Variants in ERCC2 observed in about 807,000 individuals in gnomAD.
ERCC2 encodes ERCC excision repair 2, TFIIH core complex helicase subunit, also known as general transcription and DNA repair factor IIH helicase subunit XPD.
A neutral mutation model predicts 99.4 loss-of-function variants in ERCC2; 90 were observed. That is an observed-to-expected ratio of 0.91 (90% CI 0.76 to 1.08). The LOEUF is 1.08. ERCC2 is among the 50% of genes least tolerant of loss of function. ERCC2 has a pLI of 0.00. For missense variants in ERCC2, 993 were observed against 1,038.1 expected (o/e 0.96, Z 0.60); for synonymous variants, 497 against 432.4 (o/e 1.15, Z -1.85).
chr19:45,353,231 C>G lies in ERCC2; in HGVS notation c.1758+11G>C. The G allele has an allele frequency of 2.5e-6, 4 of 1,613,514 alleles. No individual in the cohort carries two copies. In the South Asian group the frequency reaches 4.4e-5, roughly 18 times the overall value. On this transcript the variant is annotated intron_variant, in intron 18 of 22. Coordinates refer to ENST00000391945, the MANE Select transcript of ERCC2 (RefSeq NM_000400.4). The stretch of plus-strand genomic sequence containing the variant: ...CCCCGACCCCTCTCCACGCTGGCCT[C>G]GCACACCCACCTCCTGGTACTTCTC...
At chr19:45,368,000 C>A (rs947673119) in intron 5 of ERCC2, among the ~76,000 whole-genome samples, 2 of 151,238 alleles carry the variant, frequency 1.3e-5, no homozygotes, top group Non-Finnish European at 2.9e-5. Flanking sequence ...TGGGTACAAG[C>A]GATTGGCATT....
At position 45,352,806 on chromosome 19, in the gene ERCC2, G is replaced by A. The variant is rs148319713; in HGVS notation, c.1842C>T (p.Tyr614=). 8.9e-5 allele frequency: 144 copies of A among 1,613,652 alleles called. No individual in the cohort carries two copies. The highest frequency in any genetic ancestry group is 7.4e-4 in the East Asian group (33 of 44,854). The part of the protein sequence containing the change: ...VSEGIDFVHH[Y]GRAVIMFGVP... The stretch of plus-strand genomic sequence containing the variant: ...CGCCAAACATGATGACGGCCCGCCC[G>A]TAGTGGTGCACTGGTGGGCAGAGGA... Residue 614 remains tyrosine, a synonymous_variant, in exon 20 of 23, where the codon TAC becomes TAT. Transcript: ENST00000391945.
At chr19:45,366,118 G>A (rs1010038210) in intron 5 of ERCC2, among the ~76,000 whole-genome samples, 1 of 149,228 alleles carries the variant, frequency 6.7e-6, no homozygotes. Context: ...ATTACAGGCT[G>A]AGCCACTGCG....
At position 45,351,121 on chromosome 19, in the gene ERCC2, G is replaced by A. The variant is rs1217639071; in HGVS notation, c.*508C>T. On this transcript the variant is annotated 3_prime_UTR_variant, in exon 23 of 23. Coordinates refer to ENST00000391945, the MANE Select transcript of ERCC2 (RefSeq NM_000400.4). ...GCCAGTGGTGGAGTCAGCAGGTGGT[G>A]GGTTGGTGTCAGAAGAGACCCAGGA... 1 of 1,606,042 alleles carries A rather than the reference G, an allele frequency of 6.2e-7. No individual in the cohort carries two copies. Among genetic ancestry groups the A allele is most frequent in the Non-Finnish European group, 8.5e-7 (1 of 1,175,904 alleles).
chr19:45,358,044 T>C, intron 12 of ERCC2: 2 of 413,102 alleles, frequency 4.8e-6, no homozygotes, highest in South Asian at 2.4e-5. Context: ...TCCCATGACC[T>C]TTTCTTGTTT....
At chr19:45,359,365 C>T (rs1299897719) in intron 12 of ERCC2, among the ~76,000 whole-genome samples, 5 of 152,170 alleles carry the variant, frequency 3.3e-5, no homozygotes, top group Admixed American at 3.3e-4. Context: ...CAGCCGGCCT[C>T]GCTACCCAGC....
At position 45,351,066 on chromosome 19, in the gene ERCC2, G is replaced by A. The variant is rs572135570; in HGVS notation, c.*563C>T. 23 of 1,613,722 alleles carry A rather than the reference G, an allele frequency of 1.4e-5. No individual in the cohort carries two copies. The highest frequency in any genetic ancestry group is 3.3e-4 in the Middle Eastern group (2 of 6,028). Reference sequence around the variant, plus strand: ...AATAGAGGAGGCCATGTGGGTAGGTGCAGAGATGAGGCAAAGGCAGGGCGG... The same window carrying A: ...AATAGAGGAGGCCATGTGGGTAGGTACAGAGATGAGGCAAAGGCAGGGCGG... On this transcript the variant is annotated 3_prime_UTR_variant, in exon 23 of 23. Coordinates refer to ENST00000391945, the MANE Select transcript of ERCC2 (RefSeq NM_000400.4).
chr19:45,353,331 T>G lies in ERCC2; in HGVS notation c.1669A>C (p.Ile557Leu). The stretch of plus-strand genomic sequence containing the variant: ...TTGTTCCTCTGGATGTTCTCAAGGA[T>G]CCCCTGGGGAAGGACCCAGGGAGGT... ...STVASWYEQG[I>L]LENIQRNKLL... The change falls in exon 18 of 23, where the codon ATC (isoleucine) becomes CTC (leucine). Residue 557 changes from isoleucine to leucine, a missense_variant. Physicochemically the swap from Ile to Leu is conservative, Grantham distance 5 (BLOSUM62 2). Transcript: ENST00000391945. 1 of 1,613,208 alleles carries G rather than the reference T, an allele frequency of 6.2e-7. No individual in the cohort carries two copies. Among genetic ancestry groups the G allele is most frequent in the Non-Finnish European group, 8.5e-7 (1 of 1,179,562 alleles).
At position 45,350,502 on chromosome 19, in the gene ERCC2, CT is replaced by C. The variant is rs751006317; in HGVS notation, c.*1126del. The C allele has an allele frequency of 5.0e-6, 8 of 1,613,794 alleles. No individual in the cohort carries two copies. The African/African-American group carries it at 9.4e-5, about 19-fold the overall frequency. On this transcript the variant is annotated 3_prime_UTR_variant, in exon 23 of 23. Coordinates refer to ENST00000391945, the MANE Select transcript of ERCC2 (RefSeq NM_000400.4). ...ATGTCCCCATCTCAGTGTCCCCCAT[CT>C]TTCCCCCTAGGTGCCCCCAACACAG...
At chr19:45,367,333 T>C (rs1003283703) in intron 5 of ERCC2, among the ~76,000 whole-genome samples, 9 of 148,124 alleles carry the variant, frequency 6.1e-5, no homozygotes, top group African/African-American at 2.3e-4. Flanking sequence ...AGACTCCGTC[T>C]CAAAAACAAA....
intron 2 of ERCC2, among the ~76,000 whole-genome samples, chr19:45,369,617 A>C (rs1420269280): frequency 3.9e-5 from 6 of 152,212 alleles, no homozygotes; most frequent in African/African-American, 1.4e-4. Context: ...TAACATGACT[A>C]TGAGGATTGT....
chr19:45,350,388 G>A lies in ERCC2; in HGVS notation c.*1241C>T, dbSNP rs1484750797. ...ACAAGTATCAACAAGCGGAAGAGCT[G>A]TACAAAGAAATCCTCCACAAGGAGG... On this transcript the variant is annotated 3_prime_UTR_variant, in exon 23 of 23. Transcript: ENST00000391945. The A allele has an allele frequency of 3.7e-6, 6 of 1,613,758 alleles. No homozygotes were observed. In the East Asian group the frequency reaches 6.7e-5, roughly 18 times the overall value.
Position 45,364,312 on chromosome 19 carries a change from G to T in ERCC2, c.738C>A (p.Ser246=), listed in dbSNP as rs747977075. 1 of 1,614,058 alleles carries T rather than the reference G, an allele frequency of 6.2e-7. No individual in the cohort carries two copies. The highest frequency in any genetic ancestry group is 1.3e-5 in the African/African-American group (1 of 75,058). ...TCCGGCGGGTGAGGTTGACGCTCAT[G>T]GAGTCGATGCAGACGTTGTCTGGAG... ...AHNIDNVCID[S]MSVNLTRRTL... Residue 246 remains serine (S), a synonymous_variant, in exon 9 of 23, where the codon TCC becomes TCA. Coordinates refer to ENST00000391945, the MANE Select transcript of ERCC2 (RefSeq NM_000400.4).
intron 15 of ERCC2, 105 bp from the exon 16 acceptor site, chr19:45,355,833 T>TTA: frequency 1.4e-6 from 1 of 695,876 alleles, no homozygotes; most frequent in East Asian, 3.1e-5. Flanking sequence ...TTTTTTTTTT[T>TTA]AAAGAGAGAC....
At position 45,353,250 on chromosome 19, in the gene ERCC2, A is replaced by G; in HGVS notation, c.1750T>C (p.Tyr584His). 1 of 1,613,508 alleles carries G rather than the reference A, an allele frequency of 6.2e-7. No individual in the cohort carries two copies. The highest frequency in any genetic ancestry group is 1.1e-5 in the South Asian group (1 of 91,042). ...TGGCCTCGCACACCCACCTCCTGGT[A>G]CTTCTCCAGGGCGACACTGGTTTCG... ...GAETSVALEKYQEACENGRGA... is the reference protein window; with the variant it reads ...GAETSVALEKHQEACENGRGA... The change falls in exon 18 of 23, where the codon TAC (tyrosine) becomes CAC (histidine). Residue 584 changes from tyrosine (Y) to histidine (H), a missense_variant. This residue lies in a region of ERCC2 where 909 missense variants were observed against 930.8 expected (regional missense o/e 0.98). Coordinates refer to ENST00000391945, the MANE Select transcript of ERCC2 (RefSeq NM_000400.4).
chr19:45,368,154 G>A (rs1176278957), intron 5 of ERCC2, among the ~76,000 whole-genome samples: 1 of 152,132 alleles, frequency 6.6e-6, no homozygotes, highest in East Asian at 1.9e-4. Flanking sequence ...GACTACAAGC[G>A]TGAACCACTG....
At chr19:45,369,386 G>A (rs924571597) in intron 2 of ERCC2, among the ~76,000 whole-genome samples, 4 of 152,028 alleles carry the variant, frequency 2.6e-5, no homozygotes, top group African/African-American at 9.7e-5. Flanking sequence ...TGAGCCTAAA[G>A]CCAGGCGTGG....
chr19:45,359,299 C>G (rs919894776), intron 12 of ERCC2, among the ~76,000 whole-genome samples: 1 of 152,126 alleles, frequency 6.6e-6, no homozygotes, highest in African/African-American at 2.4e-5. Flanking sequence ...TAGAGAATGA[C>G]AAAGGTAGGG....
chr19:45,368,913 G>A lies in ERCC2; in HGVS notation c.246+17C>T. The A allele has an allele frequency of 6.2e-7, 1 of 1,613,210 alleles. No individual in the cohort carries two copies. The highest frequency in any genetic ancestry group is 8.5e-7 in the Non-Finnish European group (1 of 1,179,114). On this transcript the variant is annotated intron_variant, in intron 4 of 22. Coordinates refer to ENST00000391945, the MANE Select transcript of ERCC2 (RefSeq NM_000400.4). Reference sequence around the variant, plus strand: ...GGGAACAGTGGGGCTGGAGCACCAGGATGAGTCCCAGCTTACCTTCTCAAT... The same window carrying A: ...GGGAACAGTGGGGCTGGAGCACCAGAATGAGTCCCAGCTTACCTTCTCAAT...
Sources: allele counts gnomAD v4.1 joint callset (sites outside exome capture counted in the v4.1 genomes callset), GRCh38; gene constraint gnomAD v4.1.1; regional missense constraint gnomAD v4.1.1; transcripts MANE v1.5; gene names NCBI Gene and HGNC (gene_info 2026-07-23, HGNC 2026-07-21).